ZNF385C: variants seen among roughly 807,000 people sequenced by gnomAD.
ZNF385C encodes the protein CTD-2132N18.2.
A neutral mutation model predicts 35.4 loss-of-function variants in ZNF385C; 28 were observed. The ratio of observed to expected loss-of-function variants is 0.79; its 90% CI spans 0.59 to 1.08. The LOEUF (loss-of-function observed/expected upper bound fraction) is 1.08, where lower values mean the gene tolerates loss of function less well. ZNF385C is among the 50% of genes least tolerant of loss of function. The pLI, the probability that ZNF385C is intolerant of heterozygous loss-of-function variation, is 0.00. For missense variants in ZNF385C, 605 were observed against 595.6 expected (o/e 1.02, Z -0.16); for synonymous variants, 248 against 248.2 (o/e 1.00, Z 0.01).
At position 42,050,338 on chromosome 17, in the gene ZNF385C, G is replaced by A. The variant is rs1180595690; in HGVS notation, c.251-12453C>T. Among the ~76,000 whole-genome samples the A allele has an allele frequency of 6.6e-6, 1 of 152,112 alleles. No homozygotes were observed. Among genetic ancestry groups the A allele is most frequent in the Non-Finnish European group, 1.5e-5 (1 of 67,992 alleles). On this transcript the variant is annotated intron_variant, in intron 2 of 8. Transcript: ENST00000692273. This position sits in a 1 kb window ranked among gnomAD's most constrained non-coding sequence, Gnocchi z 5.6. ...GACAGGGCCGGGCGCCCCCTGCTCTGACAGCCCTGGTGAGAAGGGGCTCCC... is the reference window on the plus strand; with the variant it reads ...GACAGGGCCGGGCGCCCCCTGCTCTAACAGCCCTGGTGAGAAGGGGCTCCC...
At chr17:42,028,561 A>G (rs2052651266) in intron 6 of ZNF385C, 3 of 632,006 alleles carry the variant, frequency 4.7e-6, no homozygotes, top group Non-Finnish European at 8.1e-6. Flanking sequence ...TCAGAGATTT[A>G]GCGACCTTCA....
At chr17:42,027,541 GCCC>G in intron 8 of ZNF385C, 74 bp downstream of exon 8, 1 of 1,074,926 alleles carries the variant, frequency 9.3e-7, no homozygotes, top group South Asian at 1.7e-5. Flanking sequence ...CCCCACCGCA[GCCC>G]CCCCATCTGG....
intron 1 of ZNF385C, among the ~76,000 whole-genome samples, chr17:42,080,707 G>T (rs2053738976): frequency 6.6e-6 from 1 of 152,228 alleles, no homozygotes; most frequent in South Asian, 2.1e-4. Context: ...CAAAGCCGTT[G>T]CAGGCCATGA....
intron 2 of ZNF385C, among the ~76,000 whole-genome samples, chr17:42,056,256 G>A (rs2053374389): frequency 6.6e-6 from 1 of 152,218 alleles, no homozygotes; most frequent in African/African-American, 2.4e-5. Flanking sequence ...CTAGCCAGAT[G>A]GCTGGCATCT....
At chr17:42,091,775 C>T (rs549589831) in intron 1 of ZNF385C, among the ~76,000 whole-genome samples, 34 of 152,300 alleles carry the variant, frequency 2.2e-4, no homozygotes, top group African/African-American at 7.9e-4. Context: ...TGTCCCTCTC[C>T]CCTCAGGAAG....
chr17:42,058,543 G>A (rs566489945), intron 2 of ZNF385C, among the ~76,000 whole-genome samples: 1 of 152,360 alleles, frequency 6.6e-6, no homozygotes, highest in South Asian at 2.1e-4. Flanking sequence ...GTGGAGAGGG[G>A]CACACTGGCC....
At chr17:42,042,854 T>C (rs2053057368) in intron 2 of ZNF385C, 3 of 1,232,290 alleles carry the variant, frequency 2.4e-6, no homozygotes, top group Admixed American at 8.4e-5. Context: ...CTCACCCTCC[T>C]GGGACTGTAG....
intron 2 of ZNF385C, among the ~76,000 whole-genome samples, chr17:42,053,991 G>GCGT (rs2053331306): frequency 6.6e-6 from 1 of 152,208 alleles, no homozygotes; most frequent in African/African-American, 2.4e-5. Flanking sequence ...CTGGAAAGCA[G>GCGT]CGTCGTTCCT....
chr17:42,089,117 A>G (rs749600079), intron 1 of ZNF385C, among the ~76,000 whole-genome samples: 1 of 152,002 alleles, frequency 6.6e-6, no homozygotes, highest in Non-Finnish European at 1.5e-5. Flanking sequence ...GACTATTAAA[A>G]GGGCAACTCT....
At chr17:42,043,061 C>T (rs1352515226) in intron 2 of ZNF385C, 6 of 1,232,206 alleles carry the variant, frequency 4.9e-6, no homozygotes, top group African/African-American at 1.6e-5. Context: ...GGGCAGGCCC[C>T]TCCACCTTCA....
chr17:42,063,939 GC>G (rs1259952080), intron 1 of ZNF385C, among the ~76,000 whole-genome samples: 6 of 152,088 alleles, frequency 3.9e-5, no homozygotes, highest in Non-Finnish European at 7.4e-5. Flanking sequence ...GGCTCCAGAT[GC>G]CCCCTGCTGT....
intron 4 of ZNF385C, among the ~76,000 whole-genome samples, chr17:42,032,658 C>T (rs2052757096): frequency 6.6e-6 from 1 of 152,042 alleles, no homozygotes. Context: ...AGGCACTGTG[C>T]CCGGGGTCCG....
At chr17:42,083,141 T>C (rs965923720) in intron 1 of ZNF385C, among the ~76,000 whole-genome samples, 5 of 151,850 alleles carry the variant, frequency 3.3e-5, no homozygotes. Flanking sequence ...TAAGAAACCA[T>C]GTCTGTTCAT....
intron 1 of ZNF385C, among the ~76,000 whole-genome samples, chr17:42,083,807 C>A (rs1243243625): frequency 2.1e-5 from 3 of 145,346 alleles, no homozygotes; most frequent in Non-Finnish European, 3.0e-5. Context: ...CAACCTCTGC[C>A]TCCCAGGTTC....
At chr17:42,092,271 T>C (rs2053870132) in intron 1 of ZNF385C, among the ~76,000 whole-genome samples, 1 of 152,016 alleles carries the variant, frequency 6.6e-6, no homozygotes, top group Non-Finnish European at 1.5e-5. Flanking sequence ...CATGGTGGCA[T>C]GTGCCTGTAA....
intron 2 of ZNF385C, chr17:42,039,790 G>T: frequency 8.1e-7 from 1 of 1,232,320 alleles, no homozygotes; most frequent in South Asian, 4.1e-5. Context: ...CTCGTGCAGC[G>T]GGGGCCCATC....
chr17:42,068,954 CCTGG>C (rs2053585897), intron 1 of ZNF385C, among the ~76,000 whole-genome samples: 1 of 151,988 alleles, frequency 6.6e-6, no homozygotes, highest in Non-Finnish European at 1.5e-5. Context: ...CGGGCTACAC[CCTGG>C]GTAGAAAGAG....
chr17:42,091,980 A>T (rs1325468192), intron 1 of ZNF385C, among the ~76,000 whole-genome samples: 1 of 152,214 alleles, frequency 6.6e-6, no homozygotes, highest in African/African-American at 2.4e-5. Flanking sequence ...GAGCAGCTCC[A>T]GCATGGTCTG....
Position 42,034,216 on chromosome 17 carries a change from T to G in ZNF385C, c.510+9A>C, listed in dbSNP as rs782323927. The G allele has an allele frequency of 1.1e-5, 17 of 1,549,108 alleles. No individual in the cohort carries two copies. The East Asian group carries it at 3.9e-4, about 36-fold the overall frequency. ...CCTCCCCAGACCTGCTTTCACTACT[T>G]TGTCTCACCGCTGAGTTGAACCTCA... On this transcript the variant is annotated intron_variant, in intron 4 of 8. Coordinates refer to ENST00000692273, the MANE Select transcript of ZNF385C (RefSeq NM_001392013.1).
Sources: gnomAD v4.1 joint callset for allele counts (sites outside exome capture counted in the v4.1 genomes callset) on GRCh38, gnomAD v4.1.1 for gene constraint, Gnocchi (gnomAD v3.1) non-coding constraint, MANE v1.5 for transcripts, NCBI Gene and HGNC (gene_info 2026-07-23, HGNC 2026-07-21) for gene names.